DPYS: variants seen among roughly 807,000 people sequenced by gnomAD.
DPYS encodes dihydropyrimidinase, also known as dihydropyrimidine amidohydrolase.
DPYS carries 39 observed loss-of-function variants against 50.3 expected under a neutral mutation model. That is an observed-to-expected ratio of 0.78 (90% CI 0.60 to 1.01). The LOEUF is 1.01. DPYS is among the 50% of genes least tolerant of loss of function. The probability of loss-of-function intolerance (pLI) is 0.00; values close to 1 mark genes in which losing one functional copy is unlikely to be tolerated. For missense variants in DPYS, 659 were observed against 680.9 expected (o/e 0.97, Z 0.36); for synonymous variants, 245 against 250.7 (o/e 0.98, Z 0.22).
intron 7 of DPYS, among the ~76,000 whole-genome samples, chr8:104,403,017 A>G (rs565398249): frequency 6.6e-6 from 1 of 152,314 alleles, no homozygotes; most frequent in African/African-American, 2.4e-5. Context: ...CAAGCCGGCA[A>G]TGGCTACCCT....
At chr8:104,384,353 T>C (rs1811146740) in intron 8 of DPYS, among the ~76,000 whole-genome samples, 1 of 152,230 alleles carries the variant, frequency 6.6e-6, no homozygotes, top group African/African-American at 2.4e-5. Context: ...TTCATCTTTG[T>C]GCTGTCTGTC....
In DPYS at chr8:104,418,825, T is replaced by C. The variant is rs188827459; in HGVS notation, c.1235+5422A>G. 8.6e-4 allele frequency: 138 copies of C among 160,614 alleles called. 1 individual carries two copies. Among genetic ancestry groups the C allele is most frequent in the Middle Eastern group, 3.2e-3 (1 of 308 alleles). 9.9% of individuals were successfully genotyped at this position (160,614 alleles called of 1,614,324 possible). A position where few individuals can be genotyped will look rare whatever the true frequency, so the allele number is the denominator to read the frequency against. ...CCTCTCGTGTGATATTCTTAACCCA[T>C]CCCTTCTTAGGCTGAGAATATTTGA... On this transcript the variant is annotated intron_variant, in intron 7 of 9. Transcript: ENST00000351513.
intron 7 of DPYS, among the ~76,000 whole-genome samples, chr8:104,397,716 C>A (rs1811640524): frequency 6.6e-6 from 1 of 152,164 alleles, no homozygotes; most frequent in African/African-American, 2.4e-5. Context: ...TATTATTACT[C>A]CATTTCCAAG....
chr8:104,433,400 A>C (rs1564101890), intron 4 of DPYS, among the ~76,000 whole-genome samples: 1 of 152,116 alleles, frequency 6.6e-6, no homozygotes, highest in Non-Finnish European at 1.5e-5. Context: ...AGGACAATGG[A>C]GTGTTCTGAT....
Position 104,451,457 on chromosome 8 carries a change from C to T in DPYS, c.265-53G>A, listed in dbSNP as rs1046226954. On this transcript the variant is annotated intron_variant, in intron 1 of 9. Transcript: ENST00000351513. ...TTAGCTATCAATTTCCTAGTTAAGTCATTTATCATCTTGAACAATGTGCAT... is the reference window on the plus strand; with the variant it reads ...TTAGCTATCAATTTCCTAGTTAAGTTATTTATCATCTTGAACAATGTGCAT... 6 of 1,609,746 alleles carry T rather than the reference C, an allele frequency of 3.7e-6. No individual in the cohort carries two copies. In the Admixed American group the frequency reaches 5.0e-5, roughly 13 times the overall value.
In DPYS at chr8:104,462,537, C is replaced by A. The variant is rs138995170; in HGVS notation, c.264+4120G>T. On this transcript the variant is annotated intron_variant, in intron 1 of 9. Transcript: ENST00000351513. ...TTTGTCCTTTACAATAAAGAAAAAA[C>A]AAAAGAAAAAAAGAAAAATGTGTTG... Among the ~76,000 whole-genome samples the A allele has an allele frequency of 3.9e-3, 587 of 152,066 alleles. 5 individuals carry two copies. The highest frequency in any genetic ancestry group is 0.014 in the African/African-American group (569 of 41,510).
chr8:104,405,657 C>T (rs1811971369), intron 7 of DPYS, among the ~76,000 whole-genome samples: 2 of 152,360 alleles, frequency 1.3e-5, no homozygotes, highest in African/African-American at 4.8e-5. Context: ...GTGTCTGCTT[C>T]TAGGAAGCAC....
chr8:104,445,589 T>A (rs1199941521), intron 3 of DPYS, among the ~76,000 whole-genome samples: 2 of 151,690 alleles, frequency 1.3e-5, no homozygotes, highest in East Asian at 3.9e-4. Context: ...CTCATGGAGA[T>A]ACAGAATAGA....
In DPYS at chr8:104,392,989, G is replaced by A; in HGVS notation, c.1238C>T (p.Thr413Ile). 1 of 1,614,006 alleles carries A rather than the reference G, an allele frequency of 6.2e-7. No homozygotes were observed. The highest frequency in any genetic ancestry group is 8.5e-7 in the Non-Finnish European group (1 of 1,179,934). Residue 413 changes from threonine to isoleucine, a missense_variant and splice_region_variant, in exon 8 of 10, where the codon ACT becomes ATT. Transcript: ENST00000351513. Reference protein sequence around the residue: ...IVIWDPKGTRTISAKTHHQAV... With the variant: ...IVIWDPKGTRIISAKTHHQAV... ...CTGATGATGAGTTTTTGCTGAGATAGTCCTATATTTGTGAAAACAACAAAA... is the reference window on the plus strand; with the variant it reads ...CTGATGATGAGTTTTTGCTGAGATAATCCTATATTTGTGAAAACAACAAAA...
At chr8:104,450,048 A>G (rs1813678136) in intron 2 of DPYS, among the ~76,000 whole-genome samples, 1 of 152,042 alleles carries the variant, frequency 6.6e-6, no homozygotes, top group Non-Finnish European at 1.5e-5. Flanking sequence ...AAGCACTGAT[A>G]AGGACAAACA....
intron 7 of DPYS, among the ~76,000 whole-genome samples, chr8:104,416,285 G>A (rs1812364992): frequency 1.3e-5 from 2 of 152,162 alleles, no homozygotes; most frequent in South Asian, 4.1e-4. Context: ...AACTGGCATA[G>A]TTACTACCTG....
chr8:104,420,691 T>C (rs1318286506), intron 7 of DPYS: 4 of 130,466 alleles, frequency 3.1e-5, no homozygotes, highest in Non-Finnish European at 6.5e-5. Flanking sequence ...AGAATATTTT[T>C]CCACTTTTCA....
intron 9 of DPYS, among the ~76,000 whole-genome samples, chr8:104,380,151 T>G (rs146567093): frequency 1.6e-4 from 24 of 152,270 alleles, no homozygotes; most frequent in Middle Eastern, 3.4e-3. Context: ...GAACATGGCA[T>G]GTAGCACAGA....
chr8:104,443,083 C>G (rs1206720547), intron 4 of DPYS, among the ~76,000 whole-genome samples: 1 of 152,090 alleles, frequency 6.6e-6, no homozygotes, highest in Non-Finnish European at 1.5e-5. Context: ...AAAAATACAG[C>G]CTGTTTTAAT....
At chr8:104,465,734 C>T (rs756441745) in intron 1 of DPYS, among the ~76,000 whole-genome samples, 76 of 152,148 alleles carry the variant, frequency 5.0e-4, no homozygotes, top group Middle Eastern at 3.2e-3. Context: ...TTGTGTTGGG[C>T]CGCATTCAAA....
At chr8:104,401,537 T>A (rs1317076233) in intron 7 of DPYS, among the ~76,000 whole-genome samples, 2 of 152,152 alleles carry the variant, frequency 1.3e-5, no homozygotes, top group African/African-American at 4.8e-5. Context: ...ATGCGGTTGA[T>A]GAAAACATTC....
chr8:104,408,699 A>G (rs1444402249), intron 7 of DPYS, among the ~76,000 whole-genome samples: 2 of 152,160 alleles, frequency 1.3e-5, no homozygotes, highest in African/African-American at 2.4e-5. Flanking sequence ...ACCTAACATT[A>G]AAAAAATTAT....
At chr8:104,381,852 TCACACACA>T (rs59581374) in intron 8 of DPYS, among the ~76,000 whole-genome samples, 1 of 123,872 alleles carries the variant, frequency 8.1e-6, no homozygotes, top group African/African-American at 3.5e-5. Context: ...AGTTTTGAAA[TCACACACA>T]CACACACACA....
At chr8:104,420,115 T>A (rs1812494528) in intron 7 of DPYS, 1 of 152,278 alleles carries the variant, frequency 6.6e-6, no homozygotes, top group Non-Finnish European at 1.5e-5. Context: ...GGATTGTAAG[T>A]GGGTTTTCTG....
Sources: gnomAD v4.1 joint callset for allele counts (sites outside exome capture counted in the v4.1 genomes callset) on GRCh38, gnomAD v4.1.1 for gene constraint, MANE v1.5 for transcripts, NCBI Gene and HGNC (gene_info 2026-07-23, HGNC 2026-07-21) for gene names.